The following ZNF330 variants were observed in gnomAD, a reference collection of about 807,000 sequenced individuals.
ZNF330 encodes the protein zinc finger protein 330.
Under a neutral mutation model 45.5 loss-of-function variants are expected in ZNF330, and 31 were observed. That is an observed-to-expected ratio of 0.68 (90% CI 0.51 to 0.92). ZNF330 has a LOEUF of 0.92. Ranked by LOEUF, ZNF330 falls within the 40% of genes least tolerant of loss-of-function variation. The pLI is 0.00. For synonymous variants in ZNF330, 138 were observed against 123.2 expected (o/e 1.12, Z -0.79); for missense variants, 356 against 387.4 (o/e 0.92, Z 0.68).
At position 141,233,993 on chromosome 4, in the gene ZNF330, A is replaced by G. The variant is rs1165121659; in HGVS notation, c.*4A>G. On this transcript the variant is annotated 3_prime_UTR_variant, in exon 10 of 10. Transcript: ENST00000262990. ...CTATGAGGAACAAGAGAACTAGGGG[A>G]GCTGCTCTGGTGGCCGTGTGTGAGA... 5.0e-6 allele frequency: 8 copies of G among 1,608,234 alleles called. No homozygotes were observed. Among genetic ancestry groups the G allele is most frequent in the Non-Finnish European group, 5.9e-6 (7 of 1,176,722 alleles).
Position 141,224,618 on chromosome 4 carries a change from A to G in ZNF330, c.152A>G (p.Asn51Ser), listed in dbSNP as rs1453534828. 2.5e-6 allele frequency: 4 copies of G among 1,613,566 alleles called. No individual in the cohort carries two copies. Among genetic ancestry groups the G allele is most frequent in the African/African-American group, 2.7e-5 (2 of 74,908 alleles). ...TTTTACATGACAAGGCGGCAGAAGAATAGAGCATTTTGCTACTTTTGTAAT... is the reference window on the plus strand; with the variant it reads ...TTTTACATGACAAGGCGGCAGAAGAGTAGAGCATTTTGCTACTTTTGTAAT... ...ECDKCQRRQK[N>S]RAFCYFCNSV... Residue 51 changes from asparagine to serine, a missense_variant, in exon 4 of 10, where the codon AAT (asparagine) becomes AGT (serine). Physicochemically the swap from Asn to Ser is conservative, Grantham distance 46 (BLOSUM62 1). Coordinates refer to ENST00000262990, the MANE Select transcript of ZNF330 (RefSeq NM_014487.6).
intron 9 of ZNF330, 60 bp downstream of exon 9, chr4:141,232,702 C>CAT: frequency 2.8e-6 from 2 of 715,850 alleles, no homozygotes; most frequent in Non-Finnish European, 4.0e-6. Context: ...CAAAGTTTAT[C>CAT]TTTTTTTTTT....
chr4:141,231,282 A>G (rs2111258509), intron 7 of ZNF330, among the ~76,000 whole-genome samples, 157 bp from the exon 8 acceptor site: 1 of 152,174 alleles, frequency 6.6e-6, no homozygotes, highest in African/African-American at 2.4e-5. Flanking sequence ...TATTTGCAGC[A>G]TGGGAGCTTT....
chr4:141,233,773 G>T lies in ZNF330; in HGVS notation c.747G>T (p.Gly249=), dbSNP rs535309129. The T allele has an allele frequency of 1.5e-4, 246 of 1,613,612 alleles. 5 individuals carry two copies. The South Asian group carries it at 2.4e-3, about 15-fold the overall frequency. Residue 249 remains glycine (G), a synonymous_variant, in exon 10 of 10, where the codon GGG becomes GGT. Coordinates refer to ENST00000262990, the MANE Select transcript of ZNF330 (RefSeq NM_014487.6). ...GTGAAGAGGGAGATGGAGCTTCTGG[G>T]TATGATGCTTATTGGAAGAACCTTT... The part of the protein sequence containing the change: ...TGGEEGDGAS[G]YDAYWKNLSS...
chr4:141,230,133 C>G, intron 6 of ZNF330, 33 bp from the exon 7 acceptor site: 1 of 1,441,688 alleles, frequency 6.9e-7, no homozygotes, highest in Non-Finnish European at 9.6e-7. Context: ...TAAAGTTTAT[C>G]TTAATTACAT....
At chr4:141,221,425 A>G (rs566886190) in intron 1 of ZNF330, among the ~76,000 whole-genome samples, 2 of 152,354 alleles carry the variant, frequency 1.3e-5, no homozygotes, top group African/African-American at 4.8e-5. Flanking sequence ...GAGGATTCAG[A>G]GGATATCTCT....
intron 4 of ZNF330, among the ~76,000 whole-genome samples, chr4:141,226,143 G>A (rs1728797591): frequency 6.6e-6 from 1 of 152,078 alleles, no homozygotes; most frequent in Admixed American, 6.6e-5. Flanking sequence ...CTAGATCAGA[G>A]GTTTAGTGGC....
At chr4:141,227,033 CTTCT>C (rs1005683612) in intron 5 of ZNF330, among the ~76,000 whole-genome samples, 187 bp downstream of exon 5, 3 of 151,286 alleles carry the variant, frequency 2.0e-5, no homozygotes, top group African/African-American at 2.4e-5. Flanking sequence ...TTTCTAGCTG[CTTCT>C]TTCTTTCTTA....
Position 141,232,648 on chromosome 4 carries a change from G to T in ZNF330, c.688+6G>T, listed in dbSNP as rs773722188. 2 of 1,491,884 alleles carry T rather than the reference G, an allele frequency of 1.3e-6. No homozygotes were observed. The highest frequency in any genetic ancestry group is 2.4e-5 in the East Asian group (1 of 41,984). The allele number at this position is 1,491,884 out of a possible 1,614,324, so 92.4% of individuals were successfully genotyped here. A position where few individuals can be genotyped will look rare whatever the true frequency, so the allele number is the denominator to read the frequency against. ...TAAGGACCTTAGCATGTCAAGTAAG[G>T]CCCTTAAGATACTAAGGAAGTGATT... On this transcript the variant is annotated splice_donor_region_variant and intron_variant, in intron 9 of 9. Transcript: ENST00000262990.
chr4:141,231,564 G>T, intron 8 of ZNF330, 79 bp downstream of exon 8: 1 of 1,017,640 alleles, frequency 9.8e-7, no homozygotes, highest in Non-Finnish European at 1.4e-6. Context: ...CTTATATGCA[G>T]CTATAATTAA....
chr4:141,229,690 G>A lies in ZNF330; in HGVS notation c.411G>A (p.Trp137Ter). Reference sequence around the variant, plus strand: ...GTGTTGAATGTGAACGAGGCGTGTGGGACCATGGTGAGTCATTAGACACAA... The same window carrying A: ...GTGTTGAATGTGAACGAGGCGTGTGAGACCATGGTGAGTCATTAGACACAA... ...AECVECERGV[W>*]DHGGRIFSCS... Residue 137 changes from tryptophan to a stop codon, truncating the protein, a stop_gained, in exon 6 of 10, where the codon TGG becomes TGA. Coordinates refer to ENST00000262990, the MANE Select transcript of ZNF330 (RefSeq NM_014487.6). LOFTEE classifies it high-confidence loss of function. 1 of 1,612,884 alleles carries A rather than the reference G, an allele frequency of 6.2e-7. No homozygotes were observed. The highest frequency in any genetic ancestry group is 8.5e-7 in the Non-Finnish European group (1 of 1,179,174).
intron 5 of ZNF330, 28 bp downstream of exon 5, chr4:141,226,874 G>A: frequency 6.5e-7 from 1 of 1,548,538 alleles, no homozygotes; most frequent in Non-Finnish European, 8.8e-7. Context: ...TCTTAGACTA[G>A]TACGTTTTCA....
intron 9 of ZNF330, 129 bp downstream of exon 9, chr4:141,232,771 C>T (rs1346326161): frequency 2.2e-6 from 1 of 463,558 alleles, no homozygotes; most frequent in East Asian, 3.5e-5. Context: ...TTCTTTTAAG[C>T]AAGTGGAATT....
chr4:141,230,018 AT>A (rs1728910252), intron 6 of ZNF330, 147 bp from the exon 7 acceptor site: 2 of 653,996 alleles, frequency 3.1e-6, no homozygotes, highest in Non-Finnish European at 5.1e-6. Flanking sequence ...AACAGTTTTC[AT>A]TTTAGCTTTT....
intron 1 of ZNF330, among the ~76,000 whole-genome samples, chr4:141,221,783 C>G (rs1385325314): frequency 7.8e-6 from 1 of 128,238 alleles, no homozygotes; most frequent in Non-Finnish European, 1.6e-5. Context: ...GAGGGAAGAG[C>G]ATTTGTTAAA....
rs755737822 is a variant in ZNF330 at position 141,226,789 on chromosome 4, G to A, written c.234G>A (p.Lys78=). The A allele has an allele frequency of 2.5e-6, 4 of 1,612,968 alleles. No homozygotes were observed. Among genetic ancestry groups the A allele is most frequent in the Non-Finnish European group, 3.4e-6 (4 of 1,179,306 alleles). Residue 78 remains lysine, a synonymous_variant, in exon 5 of 10, where the codon AAG becomes AAA. Transcript: ENST00000262990. ...AQCGKTKCMM[K]SSDCVIKHAG... is the part of the protein sequence containing the mutation. The stretch of plus-strand genomic sequence containing the variant: ...TAGGGAAAACAAAGTGCATGATGAA[G>A]TCTTCAGACTGTGTCATAAAGCATG...
At chr4:141,224,370 CT>C in intron 2 of ZNF330, 116 bp from the exon 3 acceptor site, 2 of 900,514 alleles carry the variant, frequency 2.2e-6, no homozygotes, top group Non-Finnish European at 1.8e-6. Flanking sequence ...GGAGTTGGGG[CT>C]TTGGTGTAGT....
At chr4:141,233,269 T>C (rs763343409) in intron 9 of ZNF330, among the ~76,000 whole-genome samples, 9 of 152,142 alleles carry the variant, frequency 5.9e-5, no homozygotes, top group Non-Finnish European at 1.2e-4. Context: ...GTGAGACTGA[T>C]GATTTTGCTG....
At chr4:141,222,741 A>G (rs1001863801) in intron 2 of ZNF330, 9 of 250,182 alleles carry the variant, frequency 3.6e-5, no homozygotes, top group Non-Finnish European at 2.3e-5. Flanking sequence ...ACAAGAATAG[A>G]TAATAGAAAC....
Sources: gnomAD v4.1 joint callset for allele counts (sites outside exome capture counted in the v4.1 genomes callset) on GRCh38, gnomAD v4.1.1 for gene constraint, MANE v1.5 for transcripts, NCBI Gene and HGNC (gene_info 2026-07-23, HGNC 2026-07-21) for gene names.